The following NUP210 variants were observed in gnomAD, a reference collection of about 807,000 sequenced individuals.
NUP210 encodes nucleoporin 210.
Under a neutral mutation model 196.0 loss-of-function variants are expected in NUP210, and 151 were observed. The ratio of observed to expected loss-of-function variants is 0.77; its 90% CI spans 0.67 to 0.88. NUP210 has a LOEUF of 0.88. NUP210 is among the 40% of genes least tolerant of loss of function. NUP210 has a pLI of 0.00. For missense variants in NUP210, 2,314 were observed against 2,493.7 expected (o/e 0.93, Z 1.53); for synonymous variants, 1,070 against 1,052.7 (o/e 1.02, Z -0.32).
chr3:13,409,022 C>T lies in NUP210; in HGVS notation c.168-9161G>A, dbSNP rs181156301. Among the ~76,000 whole-genome samples the T allele has an allele frequency of 2.4e-4, 37 of 152,258 alleles. No individual in the cohort carries two copies. In the East Asian group the frequency reaches 7.0e-3, roughly 29 times the overall value. On this transcript the variant is annotated intron_variant, in intron 1 of 39. Coordinates refer to ENST00000254508, the MANE Select transcript of NUP210 (RefSeq NM_024923.4). Reference sequence around the variant, plus strand: ...ACCTGACTCTGTTCTGCTCAATGTCCTCCCTCATCACACCAGCTCCCCTGT... The same window carrying T: ...ACCTGACTCTGTTCTGCTCAATGTCTTCCCTCATCACACCAGCTCCCCTGT...
intron 16 of NUP210, 35 bp downstream of exon 16, chr3:13,358,187 A>T (rs1371165245): frequency 6.4e-7 from 1 of 1,565,564 alleles, no homozygotes; most frequent in Non-Finnish European, 8.7e-7. Context: ...AGCGGGTGGC[A>T]CCCTCACCTC....
chr3:13,322,833 C>T (rs1237709006), intron 34 of NUP210, among the ~76,000 whole-genome samples: 2 of 152,226 alleles, frequency 1.3e-5, no homozygotes, highest in Non-Finnish European at 1.5e-5. Context: ...TTCACTCTGC[C>T]AGTGAGGTGG....
intron 4 of NUP210, among the ~76,000 whole-genome samples, chr3:13,390,160 T>C (rs1048248953): frequency 3.3e-5 from 5 of 152,154 alleles, no homozygotes; most frequent in African/African-American, 1.2e-4. Context: ...CATGACTGCA[T>C]GGTGGCCGTG....
At chr3:13,409,962 G>A (rs776019915) in intron 1 of NUP210, among the ~76,000 whole-genome samples, 7 of 150,774 alleles carry the variant, frequency 4.6e-5, no homozygotes, top group South Asian at 2.1e-4. Flanking sequence ...TCAGCCTCCC[G>A]AGCAGCTGGG....
Position 13,379,438 on chromosome 3 carries a change from A to G in NUP210, c.976+125T>C. On this transcript the variant is annotated intron_variant, in intron 7 of 39. Coordinates refer to ENST00000254508, the MANE Select transcript of NUP210 (RefSeq NM_024923.4). This position sits in a 1 kb window ranked among gnomAD's most constrained non-coding sequence, Gnocchi z 4.2. ...AGCAGTGCTATTTCAGTTCTTTCTG[A>G]TTTTCAGACCGTTGAGGGGAAACGG... 1 of 1,266,426 alleles carries G rather than the reference A, an allele frequency of 7.9e-7. No homozygotes were observed. Among genetic ancestry groups the G allele is most frequent in the East Asian group, 2.3e-5 (1 of 43,174 alleles). 78.4% of individuals were successfully genotyped at this position (1,266,426 alleles called of 1,614,324 possible). A position where few individuals can be genotyped will look rare whatever the true frequency, so the allele number is the denominator to read the frequency against.
intron 36 of NUP210, among the ~76,000 whole-genome samples, chr3:13,320,469 T>TA (rs1196878127): frequency 1.3e-5 from 2 of 150,820 alleles, no homozygotes; most frequent in Admixed American, 1.3e-4. Context: ...CTGTCTCTAT[T>TA]AAAAAAACAA....
chr3:13,379,777 T>C lies in NUP210; in HGVS notation c.818-56A>G. 6.7e-7 allele frequency: 1 copy of C among 1,483,680 alleles called. No homozygotes were observed. The highest frequency in any genetic ancestry group is 9.0e-7 in the Non-Finnish European group (1 of 1,106,732). The allele number at this position is 1,483,680 out of a possible 1,614,324, so 91.9% of individuals were successfully genotyped here. A position where few individuals can be genotyped will look rare whatever the true frequency, so the allele number is the denominator to read the frequency against. ...AAAGAGAGAGCAAAGACAGGAAATG[T>C]TAGAAGCCAATACACTCCCACTGCC... On this transcript the variant is annotated intron_variant, in intron 6 of 39. Transcript: ENST00000254508. The surrounding 1 kb of genome is among the most constrained non-coding windows in gnomAD (Gnocchi z 4.2).
At chr3:13,388,691 C>T (rs1310533591) in intron 4 of NUP210, among the ~76,000 whole-genome samples, 2 of 152,248 alleles carry the variant, frequency 1.3e-5, no homozygotes, top group Non-Finnish European at 2.9e-5. Context: ...GCTTTGTCTC[C>T]AAGATGCCTG....
chr3:13,360,354 G>A lies in NUP210; in HGVS notation c.2070C>T (p.Ile690=), dbSNP rs756247776. 29 of 1,614,064 alleles carry A rather than the reference G, an allele frequency of 1.8e-5. No homozygotes were observed. The highest frequency in any genetic ancestry group is 1.6e-4 in the Middle Eastern group (1 of 6,084). ...AATGGGGGGCAAAGAGAGCCAGGCC[G>A]ATGCTGTCAGTGTCCTCAGCGGTGA... ...QNVTAEDTDS[I]GLALFAPHSS... is the part of the protein sequence containing the mutation. The change falls in exon 15 of 40, where the codon ATC becomes ATT. Residue 690 remains isoleucine (I), a synonymous_variant. Transcript: ENST00000254508.
chr3:13,320,459 C>T (rs1696474140), intron 36 of NUP210, among the ~76,000 whole-genome samples: 1 of 151,706 alleles, frequency 6.6e-6, no homozygotes, highest in African/African-American at 2.4e-5. Context: ...CGGTGAGACC[C>T]TGTCTCTATT....
intron 1 of NUP210, among the ~76,000 whole-genome samples, chr3:13,413,233 C>T (rs1029565341): frequency 4.0e-5 from 6 of 151,588 alleles, no homozygotes; most frequent in Admixed American, 1.3e-4. Context: ...TTTGGGAGGC[C>T]GAGACGGGCG....
chr3:13,405,622 C>T (rs1313579220), intron 1 of NUP210, among the ~76,000 whole-genome samples: 2 of 152,046 alleles, frequency 1.3e-5, no homozygotes, highest in South Asian at 4.2e-4. Flanking sequence ...CCTGACTAAT[C>T]AGGGAGGGTA....
At chr3:13,371,630 A>G (rs1403000917) in intron 13 of NUP210, among the ~76,000 whole-genome samples, 1 of 152,252 alleles carries the variant, frequency 6.6e-6, no homozygotes, top group Non-Finnish European at 1.5e-5. Flanking sequence ...GAGCGAGGCC[A>G]CTGATTTCCC....
intron 16 of NUP210, 95 bp downstream of exon 16, chr3:13,358,127 C>A (rs769554195): frequency 8.9e-7 from 1 of 1,127,406 alleles, no homozygotes; most frequent in Non-Finnish European, 1.3e-6. Flanking sequence ...GAGCTATGTC[C>A]GTTGCAATGC....
chr3:13,382,090 T>C (rs1699122076), intron 6 of NUP210, among the ~76,000 whole-genome samples: 2 of 152,240 alleles, frequency 1.3e-5, no homozygotes, highest in South Asian at 4.1e-4. Flanking sequence ...ATGTGCATGC[T>C]ATTGGTTTTG....
At chr3:13,382,936 A>G (rs1355364544) in intron 6 of NUP210, among the ~76,000 whole-genome samples, 1 of 152,150 alleles carries the variant, frequency 6.6e-6, no homozygotes, top group Non-Finnish European at 1.5e-5. Flanking sequence ...ACTTGAGCCC[A>G]GGAGTCTGAG....
intron 14 of NUP210, among the ~76,000 whole-genome samples, chr3:13,364,618 C>T (rs947031653): frequency 6.6e-6 from 1 of 152,038 alleles, no homozygotes. Flanking sequence ...CATCTGAGGT[C>T]GGGAGTTCGG....
chr3:13,340,157 A>G lies in NUP210; in HGVS notation c.3291+79T>C. On this transcript the variant is annotated intron_variant, in intron 24 of 39. Coordinates refer to ENST00000254508, the MANE Select transcript of NUP210 (RefSeq NM_024923.4). The surrounding 1 kb of genome is among the most constrained non-coding windows in gnomAD (Gnocchi z 4.0). ...CCTTCTTCTCCCAGTCACTGCACGC[A>G]GGGCCAGAGGCGGCGTGCCTGGAAC... 6.2e-7 allele frequency: 1 copy of G among 1,604,518 alleles called. No individual in the cohort carries two copies. The highest frequency in any genetic ancestry group is 8.5e-7 in the Non-Finnish European group (1 of 1,172,946).
At chr3:13,382,037 C>A (rs2623494) in intron 6 of NUP210, among the ~76,000 whole-genome samples, 1 of 152,174 alleles carries the variant, frequency 6.6e-6, no homozygotes, top group Non-Finnish European at 1.5e-5. Flanking sequence ...TTCAAAGTTC[C>A]TTCTACAACT....
Sources: allele counts gnomAD v4.1 joint callset (sites outside exome capture counted in the v4.1 genomes callset), GRCh38; gene constraint gnomAD v4.1.1; non-coding constraint Gnocchi (gnomAD v3.1); transcripts MANE v1.5; gene names NCBI Gene and HGNC (gene_info 2026-07-23, HGNC 2026-07-21).